The following DOCK1 variants were observed in gnomAD, a reference collection of about 807,000 sequenced individuals.
DOCK1 encodes dedicator of cytokinesis 1.
DOCK1 carries 138 observed loss-of-function variants against 262.7 expected under a neutral mutation model. The observed-to-expected ratio is 0.53, with a 90% CI of 0.46 to 0.61. The LOEUF (loss-of-function observed/expected upper bound fraction) is 0.61. Ranked by LOEUF, DOCK1 falls within the 20% of genes least tolerant of loss-of-function variation. The probability of loss-of-function intolerance (pLI) is 0.00; values close to 1 mark genes in which losing one functional copy is unlikely to be tolerated. For synonymous variants in DOCK1, 866 were observed against 867.4 expected (o/e 1.00, Z 0.03); for missense variants, 1,908 against 2,370.7 (o/e 0.80, Z 4.05).
intron 29 of DOCK1, among the ~76,000 whole-genome samples, chr10:127,301,236 G>C (rs2061669187): frequency 6.6e-6 from 1 of 152,198 alleles, no homozygotes; most frequent in Admixed American, 6.5e-5. Context: ...CTAGGCGGAA[G>C]TGCAGGTTAG....
At chr10:127,044,569 G>A (rs755641503) in intron 21 of DOCK1, among the ~76,000 whole-genome samples, 6 of 152,152 alleles carry the variant, frequency 3.9e-5, no homozygotes, top group Admixed American at 6.5e-5. Context: ...TGGGGTTTGC[G>A]GAAGTGGCCT....
intron 3 of DOCK1, among the ~76,000 whole-genome samples, chr10:126,978,530 G>A (rs1376145134): frequency 1.3e-5 from 2 of 152,068 alleles, no homozygotes; most frequent in Non-Finnish European, 2.9e-5. Context: ...GGATCATTGT[G>A]GTGGGCACTC....
intron 13 of DOCK1, among the ~76,000 whole-genome samples, chr10:127,022,541 C>A (rs562588329): frequency 3.3e-5 from 5 of 151,876 alleles, no homozygotes; most frequent in Non-Finnish European, 7.4e-5. Flanking sequence ...TACAGGCCTG[C>A]ACCACCACGC....
In DOCK1 at chr10:127,023,273, G is replaced by C. The variant is rs910579337; in HGVS notation, c.1401G>C (p.Lys467Asn). The C allele has an allele frequency of 5.6e-6, 9 of 1,613,886 alleles. No homozygotes were observed. The highest frequency in any genetic ancestry group is 7.6e-6 in the Non-Finnish European group (9 of 1,179,914). Reference protein sequence around the residue: ...DFDKGSKTTAKNVEVTVSVYD... With the variant: ...DFDKGSKTTANNVEVTVSVYD... ...ATAAAGGAAGCAAAACAACAGCGAA[G>C]AACGTGGAGGTCACGGTGTCTGTGT... The change falls in exon 14 of 52, where the codon AAG (lysine) becomes AAC (asparagine). Residue 467 changes from lysine (K) to asparagine (N), a missense_variant. Physicochemically the swap from Lys to Asn is moderately conservative, Grantham distance 94 (BLOSUM62 0). Around this residue, in one of 9 missense-constraint regions of DOCK1, gnomAD observed 294 missense variants for 439.9 expected, o/e 0.67. Transcript: ENST00000623213.
In DOCK1 at chr10:127,376,108, C is replaced by T. The variant is rs369730794; in HGVS notation, c.3675+1894C>T. Among the ~76,000 whole-genome samples, 16 of 151,868 alleles carry T rather than the reference C, an allele frequency of 1.1e-4. No homozygotes were observed. In the East Asian group the frequency reaches 1.7e-3, roughly 16 times the overall value. ...CAGGCATTAGAACCAGACTCTGATA[C>T]GGCAGAGGTTTTGAAATCATCAGAC... is the stretch of plus-strand genomic sequence containing the variant. On this transcript the variant is annotated intron_variant, in intron 35 of 51. Transcript: ENST00000623213.
intron 1 of DOCK1, among the ~76,000 whole-genome samples, chr10:126,907,335 C>A (rs1266002462): frequency 6.6e-6 from 1 of 152,112 alleles, no homozygotes; most frequent in Non-Finnish European, 1.5e-5. Flanking sequence ...AGCCCTGGCC[C>A]TGCTGAGGAA....
chr10:127,237,380 A>G (rs972876866), intron 27 of DOCK1, among the ~76,000 whole-genome samples: 4 of 144,716 alleles, frequency 2.8e-5, no homozygotes, highest in African/African-American at 7.7e-5. Context: ...AAAAAAAAAG[A>G]CAAAGAGTAT....
At chr10:127,354,847 A>G (rs1429482813) in intron 32 of DOCK1, 120 bp downstream of exon 32, 4 of 1,176,978 alleles carry the variant, frequency 3.4e-6, no homozygotes, top group Non-Finnish European at 4.9e-6. Flanking sequence ...TTCCTTGGAC[A>G]GCAGTTGCTA....
chr10:127,165,966 G>A (rs1185105648), intron 27 of DOCK1, among the ~76,000 whole-genome samples: 2 of 152,206 alleles, frequency 1.3e-5, no homozygotes, highest in Non-Finnish European at 2.9e-5. Context: ...ACCAGGCCTG[G>A]GAGGGTAGGA....
chr10:127,347,421 A>G (rs2063683950), intron 31 of DOCK1, among the ~76,000 whole-genome samples: 1 of 152,188 alleles, frequency 6.6e-6, no homozygotes, highest in Admixed American at 6.5e-5. Context: ...GCCGTGGGAG[A>G]CAGAGGCCTC....
At chr10:127,200,870 G>A (rs535606017) in intron 27 of DOCK1, among the ~76,000 whole-genome samples, 3 of 152,286 alleles carry the variant, frequency 2.0e-5, no homozygotes, top group Admixed American at 2.0e-4. Flanking sequence ...AGCCCAGTAA[G>A]TCTCAGCCTC....
At chr10:127,040,265 T>C (rs987367970) in intron 19 of DOCK1, among the ~76,000 whole-genome samples, 2 of 152,198 alleles carry the variant, frequency 1.3e-5, no homozygotes. Flanking sequence ...CAGATCCACA[T>C]AGTTAGGAGT....
chr10:127,119,680 A>C (rs1486048548), intron 25 of DOCK1, among the ~76,000 whole-genome samples: 2 of 152,228 alleles, frequency 1.3e-5, no homozygotes, highest in Non-Finnish European at 2.9e-5. Context: ...TCTGGATCTC[A>C]GTTCTATGTA....
Position 127,164,215 on chromosome 10 carries a change from G to A in DOCK1, c.2847+36451G>A, listed in dbSNP as rs570635146. On this transcript the variant is annotated intron_variant, in intron 27 of 51. Coordinates refer to ENST00000623213, the MANE Select transcript of DOCK1 (RefSeq NM_001290223.2). ...TTTTTTTTTTTTGAGACAGAGTCCT[G>A]CTCTGTCACCCAGGCTGGAGTGCAG... Among the ~76,000 whole-genome samples, 669 of 109,096 alleles carry A rather than the reference G, an allele frequency of 6.1e-3. 2 individuals carry two copies. Among genetic ancestry groups the A allele is most frequent in the African/African-American group, 0.022 (644 of 28,988 alleles). 71.6% of individuals were successfully genotyped at this position (109,096 alleles called of 152,430 possible).
intron 21 of DOCK1, among the ~76,000 whole-genome samples, chr10:127,049,500 G>A (rs1392812033): frequency 1.3e-5 from 2 of 152,074 alleles, no homozygotes; most frequent in East Asian, 1.9e-4. Context: ...CAGCCTGAGT[G>A]ACAGAGTGAG....
intron 27 of DOCK1, among the ~76,000 whole-genome samples, chr10:127,164,013 G>A (rs1373825846): frequency 4.6e-5 from 7 of 151,978 alleles, no homozygotes; most frequent in Non-Finnish European, 1.0e-4. Flanking sequence ...AGAATTAAAG[G>A]GTAACAATGC....
At chr10:127,099,615 C>T (rs1274143612) in intron 23 of DOCK1, among the ~76,000 whole-genome samples, 1 of 152,020 alleles carries the variant, frequency 6.6e-6, no homozygotes, top group Non-Finnish European at 1.5e-5. Context: ...CAGGGAGGTG[C>T]CATTGTCTTA....
At chr10:127,385,276 A>G (rs2066046882) in intron 38 of DOCK1, among the ~76,000 whole-genome samples, 2 of 152,130 alleles carry the variant, frequency 1.3e-5, no homozygotes, top group African/African-American at 4.8e-5. Flanking sequence ...TAGGATGGAT[A>G]TTGCTCCATC....
intron 1 of DOCK1, among the ~76,000 whole-genome samples, chr10:126,970,280 C>T (rs571235558): frequency 2.0e-5 from 3 of 152,154 alleles, no homozygotes; most frequent in Admixed American, 2.0e-4. Flanking sequence ...TTTTTGTCTA[C>T]TGTGATTGTA....
Sources: allele counts gnomAD v4.1 joint callset (sites outside exome capture counted in the v4.1 genomes callset), GRCh38; gene constraint gnomAD v4.1.1; regional missense constraint gnomAD v4.1.1; transcripts MANE v1.5; gene names NCBI Gene and HGNC (gene_info 2026-07-23, HGNC 2026-07-21).